Variants in PTPRB observed in about 807,000 individuals in gnomAD.
The protein encoded by PTPRB is receptor-type tyrosine-protein phosphatase beta.
PTPRB carries 97 observed loss-of-function variants against 238.1 expected under a neutral mutation model. That is an observed-to-expected ratio of 0.41 (90% CI 0.35 to 0.48). The LOEUF is 0.48. Among genes scored for constraint, PTPRB ranks in the 20% least tolerant of loss-of-function variants. The probability of loss-of-function intolerance (pLI) is 0.30; values close to 1 mark genes in which losing one functional copy is unlikely to be tolerated. For missense variants in PTPRB, 2,292 were observed against 2,681.9 expected, an observed-to-expected ratio of 0.85 and a Z score of 3.21; for synonymous variants, 970 against 995.4, an observed-to-expected ratio of 0.97 and a Z score of 0.48.
Position 70,622,615 on chromosome 12 carries a change from G to A in PTPRB, c.483C>T (p.Ser161=). 6.3e-7 allele frequency: 1 copy of A among 1,579,638 alleles called. No homozygotes were observed. Among genetic ancestry groups the A allele is most frequent in the East Asian group, 2.3e-5 (1 of 43,348 alleles). Residue 161 remains serine (S), a synonymous_variant, in exon 3 of 34, where the codon AGC becomes AGT. Transcript: ENST00000334414. ...TCTGGGGTGGAGCCGTGTTTCTAGT[G>A]CTCCTCACCGAAACTTCTGCTCCCA... ...AGLGAEVSVR[S]TRNTAPPQIL...
intron 9 of PTPRB, among the ~76,000 whole-genome samples, chr12:70,585,640 T>C (rs941078211): frequency 6.8e-6 from 1 of 146,094 alleles, no homozygotes; most frequent in Non-Finnish European, 1.5e-5. Flanking sequence ...TTTTTAAAAA[T>C]TAATTAATTA....
At chr12:70,615,401 A>G (rs1884633837) in intron 3 of PTPRB, among the ~76,000 whole-genome samples, 1 of 152,156 alleles carries the variant, frequency 6.6e-6, no homozygotes, top group African/African-American at 2.4e-5. Context: ...TTACGTCTCT[A>G]ACAGCAGGCT....
At chr12:70,540,412 A>G (rs1874877080) in intron 23 of PTPRB, 2 of 203,180 alleles carry the variant, frequency 9.8e-6, no homozygotes, top group Non-Finnish European at 2.0e-5. Flanking sequence ...TTGGGGCCAC[A>G]TGCTATTTGG....
chr12:70,557,663 T>G (rs192422487), intron 18 of PTPRB, among the ~76,000 whole-genome samples: 106 of 152,252 alleles, frequency 7.0e-4, no homozygotes, highest in Middle Eastern at 3.4e-3. Context: ...TCAACCCCCA[T>G]TTGGCTGTGT....
At position 70,537,128 on chromosome 12, in the gene PTPRB, C is replaced by CA. The variant is rs1313821168; in HGVS notation, c.5947-970dup. Among the ~76,000 whole-genome samples the CA allele has an allele frequency of 1.3e-4, 19 of 151,872 alleles. No homozygotes were observed. In the East Asian group the frequency reaches 2.1e-3, roughly 17 times the overall value. On this transcript the variant is annotated intron_variant, in intron 28 of 33. Coordinates refer to ENST00000334414, the MANE Select transcript of PTPRB (RefSeq NM_001109754.4). ...TGAAACCCCGTCTCTACTAAAAATA[C>CA]AAAAAAATATTAGCCAGGCGTGGTG... is the stretch of plus-strand genomic sequence containing the variant.
rs761975696 is a variant in PTPRB, at chr12:70,539,610, C to G, written c.5778+15G>C. The G allele has an allele frequency of 9.3e-6, 14 of 1,503,816 alleles. No individual in the cohort carries two copies. The highest frequency in any genetic ancestry group is 1.3e-5 in the Non-Finnish European group (14 of 1,099,368). 93.2% of individuals were successfully genotyped at this position (1,503,816 alleles called of 1,614,324 possible). ...GAACTAGGGATGCTGAAGCTTCATTCTGCCTGAGTTGTACCTCGTATTCCT... is the reference window on the plus strand; with the variant it reads ...GAACTAGGGATGCTGAAGCTTCATTGTGCCTGAGTTGTACCTCGTATTCCT... On this transcript the variant is annotated intron_variant, in intron 26 of 33. Transcript: ENST00000334414.
Position 70,536,027 on chromosome 12 carries a change from G to C in PTPRB, c.6079C>G (p.Arg2027Gly). 1 of 1,612,798 alleles carries C rather than the reference G, an allele frequency of 6.2e-7. No homozygotes were observed. Among genetic ancestry groups the C allele is most frequent in the African/African-American group, 1.3e-5 (1 of 75,004 alleles). Reference protein sequence around the residue: ...VMVTQCVEKGRVKCDHYWPAD... With the variant: ...VMVTQCVEKGGVKCDHYWPAD... The stretch of plus-strand genomic sequence containing the variant: ...TGCCAGGAAGGCTGTTTACTCACTC[G>C]GCCCTTCTCAACACACTGGGTCACC... The change falls in exon 29 of 34, where the codon CGA becomes GGA. Residue 2027 changes from arginine to glycine, a missense_variant and splice_region_variant. By Grantham distance (125) the Arg-to-Gly change is moderately radical. Transcript: ENST00000334414.
At chr12:70,537,842 T>C (rs1413979275) in intron 28 of PTPRB, among the ~76,000 whole-genome samples, 1 of 152,204 alleles carries the variant, frequency 6.6e-6, no homozygotes, top group Non-Finnish European at 1.5e-5. Flanking sequence ...CTTCTCTAGC[T>C]AGGCAGCTTT....
intron 16 of PTPRB, 38 bp downstream of exon 16, chr12:70,562,806 T>A (rs1271751959): frequency 6.3e-7 from 1 of 1,597,532 alleles, no homozygotes; most frequent in Non-Finnish European, 8.6e-7. Flanking sequence ...CCGGGACAAT[T>A]CCCCCACGAT....
rs773268026 is a variant in PTPRB at position 70,609,295 on chromosome 12, C to G, written c.753G>C (p.Glu251Asp). The change falls in exon 4 of 34, where the codon GAG becomes GAC. Residue 251 changes from glutamate (E) to aspartate (D), a missense_variant. This residue lies in a region of PTPRB where 1,205 missense variants were observed against 1,287.8 expected (regional missense o/e 0.94). Transcript: ENST00000334414. ...ACACAGAATGGCTGGAGGCCTTGGA[C>G]TCCGCCAGGGTGAAGTTACATCTCT... Reference protein sequence around the residue: ...EPERCNFTLAESKASSHSVSI... With the variant: ...EPERCNFTLADSKASSHSVSI... 2 of 1,614,050 alleles carry G rather than the reference C, an allele frequency of 1.2e-6. No individual in the cohort carries two copies. The highest frequency in any genetic ancestry group is 1.7e-6 in the Non-Finnish European group (2 of 1,179,906).
chr12:70,622,257 G>C, intron 3 of PTPRB, 133 bp downstream of exon 3: 2 of 1,293,954 alleles, frequency 1.5e-6, no homozygotes, highest in Non-Finnish European at 2.1e-6. Flanking sequence ...TGTACAATTA[G>C]CAGCCAGGAC....
chr12:70,572,787 AAAAAAG>A (rs1565961490), intron 11 of PTPRB, among the ~76,000 whole-genome samples: 1 of 151,516 alleles, frequency 6.6e-6, no homozygotes, highest in African/African-American at 2.4e-5. Flanking sequence ...AAAAAAAAAA[AAAAAAG>A]AAAAGAAAAG....
At chr12:70,626,733 A>C (rs916627583) in intron 2 of PTPRB, among the ~76,000 whole-genome samples, 1 of 152,012 alleles carries the variant, frequency 6.6e-6, no homozygotes, top group Non-Finnish European at 1.5e-5. Flanking sequence ...GAGGTGCTGG[A>C]ACCCATCCCC....
Position 70,560,616 on chromosome 12 carries a change from G to A in PTPRB, c.4432+55C>T. The A allele has an allele frequency of 1.3e-6, 2 of 1,595,076 alleles. No individual in the cohort carries two copies. The highest frequency in any genetic ancestry group is 2.2e-5 in the South Asian group (2 of 89,018). Reference sequence around the variant, plus strand: ...GTCATTAAAATCAGAATCAAAATGTGTCTCTGGAAGCTACTTCCCACCATC... The same window carrying A: ...GTCATTAAAATCAGAATCAAAATGTATCTCTGGAAGCTACTTCCCACCATC... On this transcript the variant is annotated intron_variant, in intron 17 of 33. Transcript: ENST00000334414. The surrounding 1 kb of genome is among the most constrained non-coding windows in gnomAD (Gnocchi z 4.2).
Position 70,576,392 on chromosome 12 carries a change from T to C in PTPRB, c.2832A>G (p.Gln944=), listed in dbSNP as rs1249427493. ...SGKYENHSFS[Q]ERTVPDKVQG... ...TTCATACAGCCTTACCTGTCCGCTC[T>C]TGGCTGAAGGAGTGATTTTCATACT... Residue 944 remains glutamine (Q), a synonymous_variant, in exon 11 of 34, where the codon CAA becomes CAG. Transcript: ENST00000334414. 1 of 1,612,272 alleles carries C rather than the reference T, an allele frequency of 6.2e-7. No individual in the cohort carries two copies. The highest frequency in any genetic ancestry group is 1.1e-5 in the South Asian group (1 of 90,416).
intron 3 of PTPRB, among the ~76,000 whole-genome samples, chr12:70,617,559 A>C (rs576225422): frequency 6.0e-5 from 9 of 150,940 alleles, no homozygotes; most frequent in African/African-American, 2.2e-4. Context: ...ATTTTTTCCC[A>C]TCTTTAGTTC....
intron 26 of PTPRB, chr12:70,539,359 G>T (rs1874682698): frequency 7.3e-6 from 4 of 547,344 alleles, no homozygotes; most frequent in Non-Finnish European, 1.3e-5. Context: ...CTTTAGGTCT[G>T]CATTTGAGAT....
intron 1 of PTPRB, among the ~76,000 whole-genome samples, chr12:70,636,947 A>C (rs1169666601): frequency 6.6e-6 from 1 of 151,906 alleles, no homozygotes; most frequent in Non-Finnish European, 1.5e-5. Flanking sequence ...ACATTTCCTC[A>C]CCCCCTTTAA....
Position 70,520,085 on chromosome 12 carries a change from A to G in PTPRB, c.*1404T>C, listed in dbSNP as rs556651521. 1.6e-5 allele frequency: 6 copies of G among 368,224 alleles called. No individual in the cohort carries two copies. Among genetic ancestry groups the G allele is most frequent in the South Asian group, 1.0e-4 (5 of 48,024 alleles). The allele number at this position is 368,224 out of a possible 1,614,324, so 22.8% of individuals were successfully genotyped here. A position where few individuals can be genotyped will look rare whatever the true frequency, so the allele number is the denominator to read the frequency against. ...TATGCCATCAACAAACTTGACCTCTAATTCCCAAGTTTATTACAGAAAAAT... is the reference window on the plus strand; with the variant it reads ...TATGCCATCAACAAACTTGACCTCTGATTCCCAAGTTTATTACAGAAAAAT... On this transcript the variant is annotated 3_prime_UTR_variant, in exon 34 of 34. Coordinates refer to ENST00000334414, the MANE Select transcript of PTPRB (RefSeq NM_001109754.4).
Sources: gnomAD v4.1 joint callset for allele counts (sites outside exome capture counted in the v4.1 genomes callset) on GRCh38, gnomAD v4.1.1 for gene constraint, gnomAD v4.1.1 regional missense constraint, Gnocchi (gnomAD v3.1) non-coding constraint, MANE v1.5 for transcripts, NCBI Gene and HGNC (gene_info 2026-07-23, HGNC 2026-07-21) for gene names.